SIL1: variants seen among roughly 807,000 people sequenced by gnomAD.
SIL1 encodes SIL1 nucleotide exchange factor.
In SIL1, 40 loss-of-function variants were observed where a neutral mutation model predicts 49.1. That is an observed-to-expected ratio of 0.81 (90% CI 0.63 to 1.06). SIL1 has a LOEUF of 1.06. SIL1 is among the 50% of genes least tolerant of loss of function. The pLI is 0.00. For synonymous variants in SIL1, 253 were observed against 250.8 expected (o/e 1.01, Z -0.08); for missense variants, 500 against 572.6 (o/e 0.87, Z 1.29).
intron 7 of SIL1, among the ~76,000 whole-genome samples, chr5:138,958,070 A>G (rs1177738385): frequency 2.0e-5 from 3 of 152,106 alleles, no homozygotes; most frequent in Non-Finnish European, 4.4e-5. Context: ...TCTCAATAAT[A>G]TTGTTTTTAG....
intron 2 of SIL1, among the ~76,000 whole-genome samples, chr5:139,127,386 AAGG>A (rs1241580266): frequency 1.3e-5 from 2 of 152,204 alleles, no homozygotes; most frequent in African/African-American, 2.4e-5. Flanking sequence ...TTCTCCTCAA[AAGG>A]AGAATAAAAA....
At chr5:139,032,279 C>T (rs1160196362) in intron 5 of SIL1, among the ~76,000 whole-genome samples, 1 of 152,112 alleles carries the variant, frequency 6.6e-6, no homozygotes, top group African/African-American at 2.4e-5. Flanking sequence ...TGAATGGGTA[C>T]TGAATATGGT....
intron 7 of SIL1, among the ~76,000 whole-genome samples, chr5:138,981,658 T>C (rs1347924839): frequency 6.6e-6 from 1 of 152,178 alleles, no homozygotes; most frequent in Non-Finnish European, 1.5e-5. Flanking sequence ...CTCAGTATGA[T>C]TCATGGACAG....
chr5:139,058,211 G>A (rs1769499944), intron 3 of SIL1, among the ~76,000 whole-genome samples: 1 of 152,060 alleles, frequency 6.6e-6, no homozygotes, highest in Admixed American at 6.6e-5. Flanking sequence ...GTACAGAATA[G>A]GCAAATCCAT....
At chr5:139,064,588 T>G (rs551786352) in intron 3 of SIL1, among the ~76,000 whole-genome samples, 1 of 152,348 alleles carries the variant, frequency 6.6e-6, no homozygotes, top group East Asian at 1.9e-4. Context: ...ACAATCCAAA[T>G]TTTCTGCCTT....
chr5:139,139,077 G>T (rs1455051333), intron 1 of SIL1, among the ~76,000 whole-genome samples: 1 of 152,236 alleles, frequency 6.6e-6, no homozygotes, highest in African/African-American at 2.4e-5. Flanking sequence ...CTAAGGGGGA[G>T]TCAGGGAGAG....
At chr5:138,978,108 G>C (rs996794072) in intron 7 of SIL1, among the ~76,000 whole-genome samples, 2 of 152,168 alleles carry the variant, frequency 1.3e-5, no homozygotes, top group African/African-American at 4.8e-5. Context: ...CCCATTTAAA[G>C]TGTACAACTC....
chr5:139,121,551 A>T (rs979921203), intron 2 of SIL1, among the ~76,000 whole-genome samples: 1 of 152,230 alleles, frequency 6.6e-6, no homozygotes, highest in Non-Finnish European at 1.5e-5. Context: ...AAACTCGCAC[A>T]TATTATTTTT....
intron 1 of SIL1, among the ~76,000 whole-genome samples, chr5:139,153,811 T>C (rs577439256): frequency 6.6e-6 from 1 of 152,244 alleles, no homozygotes; most frequent in African/African-American, 2.4e-5. Flanking sequence ...AACGGTGAGG[T>C]ATCGGAATGT....
intron 3 of SIL1, among the ~76,000 whole-genome samples, chr5:139,102,715 T>C (rs573470777): frequency 3.3e-5 from 5 of 151,200 alleles, no homozygotes; most frequent in Non-Finnish European, 5.9e-5. Context: ...TTTCTTTTTT[T>C]TTTTTTTTGT....
intron 1 of SIL1, among the ~76,000 whole-genome samples, chr5:139,169,476 A>ATTT (rs70982754): frequency 7.2e-6 from 1 of 139,634 alleles, no homozygotes; most frequent in African/African-American, 2.7e-5. Flanking sequence ...ATATAGATAG[A>ATTT]TTTTTTTTTT....
chr5:139,116,537 C>T (rs1770993006), intron 3 of SIL1, among the ~76,000 whole-genome samples: 2 of 152,200 alleles, frequency 1.3e-5, no homozygotes, highest in African/African-American at 4.8e-5. Context: ...AACAAGGGGC[C>T]CTCTGCCAGG....
chr5:139,084,967 T>A (rs954657306), intron 3 of SIL1, among the ~76,000 whole-genome samples: 1 of 152,170 alleles, frequency 6.6e-6, no homozygotes, highest in African/African-American at 2.4e-5. Flanking sequence ...AATCATACCA[T>A]ACATACTGTT....
chr5:139,053,957 T>C (rs1769348160), intron 3 of SIL1, among the ~76,000 whole-genome samples: 1 of 152,230 alleles, frequency 6.6e-6, no homozygotes, highest in African/African-American at 2.4e-5. Flanking sequence ...GCCTATAACA[T>C]GACCTGGCTG....
intron 4 of SIL1, among the ~76,000 whole-genome samples, chr5:139,047,013 G>A (rs543465890): frequency 1.3e-5 from 2 of 152,314 alleles, no homozygotes; most frequent in African/African-American, 4.8e-5. Flanking sequence ...TGCCTGGCAC[G>A]TGGGCACTCA....
intron 1 of SIL1, among the ~76,000 whole-genome samples, chr5:139,160,143 TCACACACACACACACACACACA>T (rs57028301): frequency 2.8e-4 from 39 of 137,862 alleles, no homozygotes; most frequent in South Asian, 2.4e-3. Context: ...ATTTCCACAA[TCACACACACACACACACACACA>T]CACACACACA....
chr5:138,966,472 A>G (rs1767142766), intron 7 of SIL1, among the ~76,000 whole-genome samples: 1 of 151,768 alleles, frequency 6.6e-6, no homozygotes, highest in South Asian at 2.1e-4. Flanking sequence ...ACCACCCACC[A>G]GGCTTCCTCA....
intron 1 of SIL1, among the ~76,000 whole-genome samples, chr5:139,167,881 T>G (rs1751656460): frequency 6.6e-6 from 1 of 151,940 alleles, no homozygotes; most frequent in Non-Finnish European, 1.5e-5. Flanking sequence ...GGGGTCTCCT[T>G]CTGTTGCCCA....
chr5:139,083,446 C>T (rs1025617975), intron 3 of SIL1, among the ~76,000 whole-genome samples: 28 of 139,702 alleles, frequency 2.0e-4, no homozygotes, highest in Non-Finnish European at 3.8e-4. Flanking sequence ...ATGAGCATTT[C>T]TTCATGTGTT....
Sources: allele counts gnomAD v4.1 joint callset (sites outside exome capture counted in the v4.1 genomes callset), GRCh38; gene constraint gnomAD v4.1.1; transcripts MANE v1.5; gene names NCBI Gene and HGNC (gene_info 2026-07-23, HGNC 2026-07-21).